Variants in GPBP1L1 observed in about 807,000 individuals in gnomAD.
The protein encoded by GPBP1L1 is GC-rich promoter binding protein 1 like 1, also known as vasculin-like protein 1.
A neutral mutation model predicts 52.5 loss-of-function variants in GPBP1L1; 23 were observed. The observed-to-expected ratio is 0.44, with a 90% CI of 0.32 to 0.62. GPBP1L1 has a LOEUF of 0.62. Among genes scored for constraint, GPBP1L1 ranks in the 20% least tolerant of loss-of-function variants. The pLI, the probability that GPBP1L1 is intolerant of heterozygous loss-of-function variation, is 0.06. For missense variants in GPBP1L1, 596 were observed against 579.3 expected (o/e 1.03, Z -0.30); for synonymous variants, 243 against 203.1 (o/e 1.20, Z -1.67).
intron 2 of GPBP1L1, among the ~76,000 whole-genome samples, chr1:45,685,134 T>TA (rs1310655111): frequency 6.6e-6 from 1 of 152,082 alleles, no homozygotes; most frequent in African/African-American, 2.4e-5. Flanking sequence ...ACTCCATACC[T>TA]AAAGTATGTT....
Position 45,670,155 on chromosome 1 carries a change from C to A in GPBP1L1, c.-1097-8930G>T, listed in dbSNP as rs1025908122. 1.0e-3 allele frequency among the ~76,000 whole-genome samples: 152 copies of A among 152,212 alleles called. 5 individuals carry two copies. Among genetic ancestry groups the A allele is most frequent in the Non-Finnish European group, 2.2e-4 (15 of 68,040 alleles). On this transcript the variant is annotated intron_variant, in intron 2 of 12. Transcript: ENST00000355105. The stretch of plus-strand genomic sequence containing the variant: ...CGTTCCATCTGCTTTACATCTTCAA[C>A]CAAACTACATATGGCCAGACTGGAG...
At position 45,633,586 on chromosome 1, in the gene GPBP1L1, C is replaced by T. The variant is rs1309865173; in HGVS notation, c.947G>A (p.Arg316His). 5.0e-6 allele frequency: 8 copies of T among 1,613,522 alleles called. No individual in the cohort carries two copies. The highest frequency in any genetic ancestry group is 1.1e-5 in the South Asian group (1 of 91,010). The part of the protein sequence containing the change: ...ISSSRLTKLT[R>H]RTTDRKSEFL... ...CTCACTCTTCCTGTCGGTGGTTCGG[C>T]GGGTCAACTTGGTCAGACGAGAGGA... The change falls in exon 10 of 13, where the codon CGC becomes CAC. Residue 316 changes from arginine to histidine, a missense_variant. Arg to His is a conservative substitution (Grantham distance 29). Transcript: ENST00000355105.
Position 45,661,094 on chromosome 1 carries a change from C to T in GPBP1L1, c.-966G>A, listed in dbSNP as rs1644942148. On this transcript the variant is annotated 5_prime_UTR_variant, in exon 3 of 13. Transcript: ENST00000355105. ...CTGTGTTTCACTTGTTCTGCTCCTT[C>T]CCAAAATCTAAATTGAGCCACTGGA... 2 of 152,148 alleles carry T rather than the reference C, an allele frequency of 1.3e-5. No homozygotes were observed. The highest frequency in any genetic ancestry group is 2.9e-5 in the Non-Finnish European group (2 of 68,030). 9.4% of individuals were successfully genotyped at this position (152,148 alleles called of 1,614,324 possible).
At chr1:45,675,647 C>T (rs142103602) in intron 2 of GPBP1L1, among the ~76,000 whole-genome samples, 1 of 152,280 alleles carries the variant, frequency 6.6e-6, no homozygotes, top group East Asian at 1.9e-4. Context: ...TCGAGTGATC[C>T]TCCCAGCTCA....
At chr1:45,636,077 T>C (rs1286377983) in intron 8 of GPBP1L1, among the ~76,000 whole-genome samples, 1 of 152,162 alleles carries the variant, frequency 6.6e-6, no homozygotes, top group Non-Finnish European at 1.5e-5. Flanking sequence ...CTCACCTCTA[T>C]CCCCAATTTT....
At chr1:45,644,928 AAT>A (rs1644723757) in intron 6 of GPBP1L1, among the ~76,000 whole-genome samples, 3 of 152,202 alleles carry the variant, frequency 2.0e-5, no homozygotes, top group Admixed American at 1.3e-4. Flanking sequence ...ATATAGAAAA[AAT>A]ATGATACATG....
At position 45,660,771 on chromosome 1, in the gene GPBP1L1, A is replaced by G. The variant is rs1367405869; in HGVS notation, c.-643T>C. ...GCAACTGCTAAAAAATAGTGTGCAG[A>G]TATGTATTTATATTTGCCTTAACCT... On this transcript the variant is annotated 5_prime_UTR_variant, in exon 3 of 13. Transcript: ENST00000355105. 1 of 152,982 alleles carries G rather than the reference A, an allele frequency of 6.5e-6. No individual in the cohort carries two copies. Among genetic ancestry groups the G allele is most frequent in the Non-Finnish European group, 1.5e-5 (1 of 68,758 alleles). The allele number at this position is 152,982 out of a possible 1,614,324, so 9.5% of individuals were successfully genotyped here. A position where few individuals can be genotyped will look rare whatever the true frequency, so the allele number is the denominator to read the frequency against.
At chr1:45,628,942 G>A (rs1431411705) in intron 12 of GPBP1L1, among the ~76,000 whole-genome samples, 5 of 152,200 alleles carry the variant, frequency 3.3e-5, no homozygotes, top group South Asian at 2.1e-4. Flanking sequence ...GATTACAGGC[G>A]TGAGCCACTG....
intron 2 of GPBP1L1, among the ~76,000 whole-genome samples, chr1:45,665,905 C>T (rs953062721): frequency 6.6e-6 from 1 of 151,956 alleles, no homozygotes; most frequent in African/African-American, 2.4e-5. Flanking sequence ...CTGCCTCAGC[C>T]TCTCCTACTG....
chr1:45,674,391 T>C (rs1311151647), intron 2 of GPBP1L1, among the ~76,000 whole-genome samples: 1 of 152,176 alleles, frequency 6.6e-6, no homozygotes, highest in Non-Finnish European at 1.5e-5. Context: ...GTTAACAATC[T>C]TACATTGATA....
intron 2 of GPBP1L1, among the ~76,000 whole-genome samples, chr1:45,676,421 C>T (rs1166840397): frequency 6.6e-6 from 1 of 151,720 alleles, no homozygotes; most frequent in East Asian, 1.9e-4. Flanking sequence ...GGAAACAGGG[C>T]AAGACCCCAT....
At chr1:45,642,663 A>T (rs1429661985) in intron 6 of GPBP1L1, among the ~76,000 whole-genome samples, 164 bp from the exon 7 acceptor site, 1 of 152,260 alleles carries the variant, frequency 6.6e-6, no homozygotes, top group Non-Finnish European at 1.5e-5. Context: ...AACAGAAAAT[A>T]TCAAAACACA....
intron 8 of GPBP1L1, among the ~76,000 whole-genome samples, chr1:45,636,873 A>G (rs1391511640): frequency 6.6e-6 from 1 of 152,230 alleles, no homozygotes; most frequent in Admixed American, 6.5e-5. Flanking sequence ...GCATTCTGGA[A>G]CAGTAGAAAG....
intron 2 of GPBP1L1, among the ~76,000 whole-genome samples, chr1:45,674,585 A>G (rs1645116385): frequency 6.6e-6 from 1 of 152,218 alleles, no homozygotes. Flanking sequence ...AACAGAAACC[A>G]TACTTTGAAT....
In GPBP1L1 at chr1:45,667,166, C is replaced by CT. The variant is rs200023290; in HGVS notation, c.-1097-5942dup. On this transcript the variant is annotated intron_variant, in intron 2 of 12. Transcript: ENST00000355105. The stretch of plus-strand genomic sequence containing the variant: ...GTACTTCATGCCATGGAATTGCACA[C>CT]TTTTTTAATTGCTTATGATGGTAAA... Among the ~76,000 whole-genome samples, 924 of 152,230 alleles carry CT rather than the reference C, an allele frequency of 6.1e-3. 7 individuals are homozygous for CT. Among genetic ancestry groups the CT allele is most frequent in the African/African-American group, 0.022 (896 of 41,506 alleles).
chr1:45,628,702 C>T (rs1027863100), intron 12 of GPBP1L1, among the ~76,000 whole-genome samples: 8 of 152,170 alleles, frequency 5.3e-5, no homozygotes, highest in Non-Finnish European at 1.5e-5. Context: ...CTCGCTCTGT[C>T]ACCCAGGCTA....
chr1:45,656,608 C>A (rs2148474656), intron 4 of GPBP1L1, among the ~76,000 whole-genome samples: 1 of 152,110 alleles, frequency 6.6e-6, no homozygotes, highest in South Asian at 2.1e-4. Context: ...ACAACACTAT[C>A]ACTTCCCCAT....
Position 45,660,839 on chromosome 1 carries a change from TA to T in GPBP1L1, c.-712del, listed in dbSNP as rs1178670185. On this transcript the variant is annotated 5_prime_UTR_variant, in exon 3 of 13. Coordinates refer to ENST00000355105, the MANE Select transcript of GPBP1L1 (RefSeq NM_021639.5). Reference sequence around the variant, plus strand: ...AAATCTTGTCTTTGTTAAAAAAAAATAAAAAATAAAAATAGACAGGAATTTG... The same window carrying T: ...AAATCTTGTCTTTGTTAAAAAAAAATAAAAATAAAAATAGACAGGAATTTG... 1 of 151,948 alleles carries T rather than the reference TA, an allele frequency of 6.6e-6. No homozygotes were observed. Among genetic ancestry groups the T allele is most frequent in the Non-Finnish European group, 1.5e-5 (1 of 68,012 alleles). 9.4% of individuals were successfully genotyped at this position (151,948 alleles called of 1,614,324 possible).
At chr1:45,653,136 T>C (rs1644839120) in intron 6 of GPBP1L1, among the ~76,000 whole-genome samples, 1 of 152,196 alleles carries the variant, frequency 6.6e-6, no homozygotes, top group Non-Finnish European at 1.5e-5. Context: ...GGTCACTTCC[T>C]AGACTTGAGG....
Sources: gnomAD v4.1 joint callset for allele counts (sites outside exome capture counted in the v4.1 genomes callset) on GRCh38, gnomAD v4.1.1 for gene constraint, MANE v1.5 for transcripts, NCBI Gene and HGNC (gene_info 2026-07-23, HGNC 2026-07-21) for gene names.